The following TBC1D23 variants were observed in gnomAD, a reference collection of about 807,000 sequenced individuals.
TBC1D23 encodes HCV non-structural protein 4A-transactivated protein 1.
Under a neutral mutation model 91.4 loss-of-function variants are expected in TBC1D23, and 55 were observed. That is an observed-to-expected ratio of 0.60 (90% confidence interval 0.48 to 0.75). TBC1D23 has a LOEUF of 0.75. TBC1D23 is among the 30% of genes least tolerant of loss of function. TBC1D23 has a pLI of 0.00. For missense variants in TBC1D23, 725 were observed against 836.1 expected, an observed-to-expected ratio of 0.87 and a Z score of 1.64; for synonymous variants, 289 against 281.0, an observed-to-expected ratio of 1.03 and a Z score of -0.28.
chr3:100,291,962 A>G (rs1273588665), intron 5 of TBC1D23, among the ~76,000 whole-genome samples: 2 of 151,918 alleles, frequency 1.3e-5, no homozygotes, highest in Non-Finnish European at 2.9e-5. Context: ...ACGGGGTTTC[A>G]CCACGATGGC....
intron 16 of TBC1D23, among the ~76,000 whole-genome samples, chr3:100,316,577 G>A (rs1367534372): frequency 1.3e-5 from 2 of 152,088 alleles, no homozygotes; most frequent in Non-Finnish European, 2.9e-5. Flanking sequence ...CTATCAGTGT[G>A]GAAATAGTAT....
At chr3:100,308,213 C>A (rs961245044) in intron 13 of TBC1D23, among the ~76,000 whole-genome samples, 1 of 152,210 alleles carries the variant, frequency 6.6e-6, no homozygotes, top group Admixed American at 6.5e-5. Flanking sequence ...CAGTGGCTCA[C>A]GCCTGTAATC....
rs774693874 is a variant in TBC1D23, at chr3:100,299,248, C to T, written c.1009C>T (p.Arg337Trp). The change falls in exon 10 of 19, where the codon CGG becomes TGG. Residue 337 changes from arginine to tryptophan, a missense_variant. Coordinates refer to ENST00000394144, the MANE Select transcript of TBC1D23 (RefSeq NM_001199198.3). ...GTTGTTTCCGTTTTAGGAAGGAGTC[C>T]GGTTCTTTGTGGTGGATTGCCGTCC... is the stretch of plus-strand genomic sequence containing the variant. ...QANQLQGEGV[R>W]FFVVDCRPAE... 9.3e-6 allele frequency: 15 copies of T among 1,610,492 alleles called. No homozygotes were observed. Among genetic ancestry groups the T allele is most frequent in the Admixed American group, 1.7e-5 (1 of 59,780 alleles).
At chr3:100,323,039 T>C (rs188926133) in intron 18 of TBC1D23, among the ~76,000 whole-genome samples, 30 of 152,316 alleles carry the variant, frequency 2.0e-4, no homozygotes, top group African/African-American at 6.3e-4. Context: ...AAGTCTTATC[T>C]TTTTTAAATA....
intron 1 of TBC1D23, among the ~76,000 whole-genome samples, chr3:100,266,229 T>A (rs1348075147): frequency 6.6e-6 from 1 of 152,186 alleles, no homozygotes; most frequent in Non-Finnish European, 1.5e-5. Context: ...ACTGTTTACA[T>A]TAAAGTCTTT....
intron 1 of TBC1D23, among the ~76,000 whole-genome samples, chr3:100,275,157 G>A (rs1019754259): frequency 6.6e-6 from 1 of 152,010 alleles, no homozygotes; most frequent in Non-Finnish European, 1.5e-5. Context: ...TGTACACAAG[G>A]GTTCACATCT....
At chr3:100,277,712 G>T (rs926653356) in intron 1 of TBC1D23, among the ~76,000 whole-genome samples, 2 of 152,082 alleles carry the variant, frequency 1.3e-5, no homozygotes, top group African/African-American at 4.8e-5. Context: ...TGACACATTT[G>T]ACCATTTAAA....
chr3:100,292,095 C>G (rs2067796518), intron 5 of TBC1D23, among the ~76,000 whole-genome samples: 1 of 152,122 alleles, frequency 6.6e-6, no homozygotes, highest in African/African-American at 2.4e-5. Context: ...TATCACATAT[C>G]ATGTAGGCGT....
intron 17 of TBC1D23, among the ~76,000 whole-genome samples, chr3:100,319,492 G>A (rs1480393188): frequency 6.6e-6 from 1 of 151,770 alleles, no homozygotes; most frequent in African/African-American, 2.4e-5. Flanking sequence ...GTAGTGGCAC[G>A]ATCTCTGCTC....
intron 1 of TBC1D23, 76 bp downstream of exon 1, chr3:100,261,147 C>T: frequency 3.5e-6 from 5 of 1,429,998 alleles, no homozygotes; most frequent in Non-Finnish European, 4.9e-6. Context: ...CCCGAGGAGC[C>T]GTCTGGCGTC....
intron 18 of TBC1D23, among the ~76,000 whole-genome samples, chr3:100,321,430 G>A (rs1254170144): frequency 6.6e-6 from 1 of 152,086 alleles, no homozygotes; most frequent in Non-Finnish European, 1.5e-5. Flanking sequence ...TTCACAGACT[G>A]GCCCAAGAGC....
intron 1 of TBC1D23, among the ~76,000 whole-genome samples, chr3:100,267,843 A>G (rs2067569196): frequency 6.6e-6 from 1 of 152,188 alleles, no homozygotes; most frequent in South Asian, 2.1e-4. Context: ...TATTAATAAC[A>G]TCTCATTTGG....
At chr3:100,279,164 A>C (rs1297045393) in intron 1 of TBC1D23, among the ~76,000 whole-genome samples, 1 of 152,192 alleles carries the variant, frequency 6.6e-6, no homozygotes, top group Non-Finnish European at 1.5e-5. Context: ...AATACCAATG[A>C]AGTTATTTCT....
chr3:100,304,354 A>G (rs1003910771), intron 11 of TBC1D23, among the ~76,000 whole-genome samples: 1 of 151,938 alleles, frequency 6.6e-6, no homozygotes, highest in African/African-American at 2.4e-5. Context: ...TACTATTTAG[A>G]TGTCTTTTTT....
intron 2 of TBC1D23, among the ~76,000 whole-genome samples, chr3:100,281,383 ATTC>A (rs1276729220): frequency 1.3e-5 from 2 of 152,194 alleles, no homozygotes; most frequent in Admixed American, 6.5e-5. Flanking sequence ...TTTATTAAGT[ATTC>A]TTTTGTATAA....
intron 1 of TBC1D23, among the ~76,000 whole-genome samples, chr3:100,265,147 G>A (rs376757050): frequency 2.3e-4 from 34 of 150,196 alleles, no homozygotes; most frequent in Middle Eastern, 6.8e-3. Context: ...AACTTCTCAA[G>A]GGCAGTGGCT....
chr3:100,323,061 A>T (rs921661888), intron 18 of TBC1D23, among the ~76,000 whole-genome samples: 1 of 152,216 alleles, frequency 6.6e-6, no homozygotes, highest in Non-Finnish European at 1.5e-5. Flanking sequence ...TTCAGACCTC[A>T]TAACGCCATT....
At position 100,281,647 on chromosome 3, in the gene TBC1D23, T is replaced by C; in HGVS notation, c.166-95T>C. Reference sequence around the variant, plus strand: ...GATACCTTAATTGTAATCTTTGTTATTATTTTTAAATTCAGGCCTTTAATT... The same window carrying C: ...GATACCTTAATTGTAATCTTTGTTACTATTTTTAAATTCAGGCCTTTAATT... On this transcript the variant is annotated intron_variant, in intron 2 of 18. Coordinates refer to ENST00000394144, the MANE Select transcript of TBC1D23 (RefSeq NM_001199198.3). 4 of 737,952 alleles carry C rather than the reference T, an allele frequency of 5.4e-6. No homozygotes were observed. In the East Asian group the frequency reaches 1.1e-4, roughly 20 times the overall value. 45.7% of individuals were successfully genotyped at this position (737,952 alleles called of 1,614,324 possible).
chr3:100,293,919 C>T (rs912178533), intron 5 of TBC1D23, among the ~76,000 whole-genome samples: 2 of 151,984 alleles, frequency 1.3e-5, no homozygotes, highest in African/African-American at 2.4e-5. Flanking sequence ...TTTAATGATA[C>T]GTGATAATAG....
Sources: allele counts gnomAD v4.1 joint callset (sites outside exome capture counted in the v4.1 genomes callset), GRCh38; gene constraint gnomAD v4.1.1; transcripts MANE v1.5; gene names NCBI Gene and HGNC (gene_info 2026-07-23, HGNC 2026-07-21).